TRPM3: variants seen among roughly 807,000 people sequenced by gnomAD.
TRPM3 encodes the protein transient receptor potential cation channel subfamily M member 3.
TRPM3 carries 77 observed loss-of-function variants against 181.2 expected under a neutral mutation model. That is an observed-to-expected ratio of 0.42 (90% CI 0.35 to 0.51). The LOEUF (loss-of-function observed/expected upper bound fraction) is 0.51. TRPM3 is among the 20% of genes least tolerant of loss of function. The probability of loss-of-function intolerance (pLI) is 0.01; values close to 1 mark genes in which losing one functional copy is unlikely to be tolerated. For missense variants in TRPM3, 1,759 were observed against 2,196.7 expected (o/e 0.80, Z 3.98); for synonymous variants, 745 against 796.4 (o/e 0.94, Z 1.09).
intron 1 of TRPM3, among the ~76,000 whole-genome samples, chr9:71,317,036 T>C (rs2088667432): frequency 6.6e-6 from 1 of 152,174 alleles, no homozygotes; most frequent in Non-Finnish European, 1.5e-5. Context: ...CCATATCCCC[T>C]ATGTTACTTC....
At position 70,835,168 on chromosome 9, in the gene TRPM3, G is replaced by T. The variant is rs576679058; in HGVS notation, c.802-7150C>A. On this transcript the variant is annotated intron_variant, in intron 5 of 25. Coordinates refer to ENST00000677713, the MANE Select transcript of TRPM3 (RefSeq NM_001366145.2). ...GAAGCTTCCTGAGGCCTTCACTAGG[G>T]GCAGATGCAGGCATTATGTTTCTCT... is the stretch of plus-strand genomic sequence containing the variant. 1.9e-3 allele frequency among the ~76,000 whole-genome samples: 290 copies of T among 152,148 alleles called. 1 individual carries two copies. The highest frequency in any genetic ancestry group is 6.7e-3 in the African/African-American group (277 of 41,518).
chr9:70,616,623 A>G (rs960267661), intron 17 of TRPM3, among the ~76,000 whole-genome samples: 1 of 149,866 alleles, frequency 6.7e-6, no homozygotes, highest in Admixed American at 6.7e-5. Context: ...GAATACATGT[A>G]GGAAAGCATT....
chr9:70,899,452 C>T (rs945244621), intron 1 of TRPM3, among the ~76,000 whole-genome samples: 1 of 152,112 alleles, frequency 6.6e-6, no homozygotes, highest in African/African-American at 2.4e-5. Context: ...TACGTCCTTC[C>T]TTCACATCTT....
intron 22 of TRPM3, among the ~76,000 whole-genome samples, chr9:70,583,286 T>C (rs981371450): frequency 1.3e-5 from 2 of 152,190 alleles, no homozygotes; most frequent in African/African-American, 4.8e-5. Context: ...TGAGAGTGTA[T>C]GAGAGTGAAC....
rs1249151847 is a variant in TRPM3 at position 71,383,078 on chromosome 9, C to A, written c.183+63575G>T. ...AATTAGTTTTTAAACTTTAATCATA[C>A]CCTAACATTAATAACACTCAATTTT... On this transcript the variant is annotated intron_variant, in intron 1 of 24. Transcript: ENST00000357533. Among the ~76,000 whole-genome samples the A allele has an allele frequency of 2.6e-5, 4 of 152,022 alleles. No homozygotes were observed. In the South Asian group the frequency reaches 6.2e-4, roughly 24 times the overall value.
At chr9:70,955,605 T>C (rs958525070) in intron 1 of TRPM3, among the ~76,000 whole-genome samples, 1 of 152,202 alleles carries the variant, frequency 6.6e-6, no homozygotes, top group African/African-American at 2.4e-5. Flanking sequence ...CAAGGTCACA[T>C]GGAAAATCAA....
chr9:70,792,401 G>A (rs773195968), intron 6 of TRPM3, among the ~76,000 whole-genome samples: 4 of 151,966 alleles, frequency 2.6e-5, no homozygotes, highest in Non-Finnish European at 4.4e-5. Flanking sequence ...CCATGGAGGG[G>A]AGAGATCACA....
At chr9:71,364,756 G>C (rs946000158) in intron 1 of TRPM3, among the ~76,000 whole-genome samples, 1 of 152,150 alleles carries the variant, frequency 6.6e-6, no homozygotes, top group Non-Finnish European at 1.5e-5. Flanking sequence ...ATCATTCTGG[G>C]AAGTGACCCA....
chr9:70,626,205 T>C (rs1436704639), intron 12 of TRPM3, among the ~76,000 whole-genome samples: 1 of 152,206 alleles, frequency 6.6e-6, no homozygotes, highest in African/African-American at 2.4e-5. Context: ...TTTAGGTTCT[T>C]AAGAAAATTT....
intron 8 of TRPM3, among the ~76,000 whole-genome samples, chr9:70,748,641 C>T (rs1312676272): frequency 6.6e-6 from 1 of 152,068 alleles, no homozygotes; most frequent in East Asian, 1.9e-4. Flanking sequence ...AGCTTGCTTG[C>T]CCCCTCCACC....
At chr9:71,403,761 T>C (rs960438545) in intron 1 of TRPM3, among the ~76,000 whole-genome samples, 6 of 152,080 alleles carry the variant, frequency 3.9e-5, no homozygotes, top group African/African-American at 1.4e-4. Context: ...AAATATAAAA[T>C]AGTTCTCATT....
At chr9:70,893,147 C>G (rs1397696668) in intron 1 of TRPM3, among the ~76,000 whole-genome samples, 1 of 152,180 alleles carries the variant, frequency 6.6e-6, no homozygotes, top group Non-Finnish European at 1.5e-5. Context: ...AAGACATTTT[C>G]TGCGACACCA....
At chr9:71,262,010 C>T (rs2083091056) in intron 1 of TRPM3, among the ~76,000 whole-genome samples, 1 of 152,334 alleles carries the variant, frequency 6.6e-6, no homozygotes, top group South Asian at 2.1e-4. Flanking sequence ...GGCAGTCTGT[C>T]CCTTAGCAGA....
chr9:71,212,862 T>C (rs1002678294), intron 1 of TRPM3, among the ~76,000 whole-genome samples: 1 of 152,012 alleles, frequency 6.6e-6, no homozygotes, highest in African/African-American at 2.4e-5. Context: ...TATGTATGTA[T>C]GTATGTATGT....
At chr9:71,159,094 A>C (rs1286409441) in intron 1 of TRPM3, among the ~76,000 whole-genome samples, 2 of 113,462 alleles carry the variant, frequency 1.8e-5, no homozygotes, top group Admixed American at 2.2e-4. Flanking sequence ...CCTATATTAT[A>C]TATATATATT....
intron 1 of TRPM3, among the ~76,000 whole-genome samples, chr9:70,944,556 C>T (rs989416507): frequency 6.6e-6 from 1 of 152,100 alleles, no homozygotes; most frequent in African/African-American, 2.4e-5. Context: ...TTAAGACCTC[C>T]TCTCCTACTC....
intron 9 of TRPM3, among the ~76,000 whole-genome samples, chr9:70,645,660 C>A (rs12004738): frequency 0.23 from 34,821 of 151,708 alleles, 5,528 homozygotes; most frequent in African/African-American, 0.45. Context: ...CAAAGACTTC[C>A]TGACTAAAAC....
At chr9:70,868,713 T>C (rs139912950) in intron 1 of TRPM3, among the ~76,000 whole-genome samples, 199 of 152,080 alleles carry the variant, frequency 1.3e-3, no homozygotes, top group African/African-American at 4.6e-3. Context: ...CAGACCAGTA[T>C]TTGCAAGATT....
chr9:71,255,282 A>T (rs994225926), intron 1 of TRPM3, among the ~76,000 whole-genome samples: 5 of 152,234 alleles, frequency 3.3e-5, no homozygotes, highest in Non-Finnish European at 7.3e-5. Flanking sequence ...AAAATGCTAA[A>T]TGGTTAGTCA....
Sources: allele counts gnomAD v4.1 joint callset (sites outside exome capture counted in the v4.1 genomes callset), GRCh38; gene constraint gnomAD v4.1.1; transcripts MANE v1.5; gene names NCBI Gene and HGNC (gene_info 2026-07-23, HGNC 2026-07-21).